The following FGF20 variants were observed in gnomAD, a reference collection of about 807,000 sequenced individuals.
FGF20 encodes the protein fibroblast growth factor 20.
Under a neutral mutation model 16.7 loss-of-function variants are expected in FGF20, and 8 were observed. That is an observed-to-expected ratio of 0.48 (90% CI 0.28 to 0.87). The LOEUF (loss-of-function observed/expected upper bound fraction) is 0.87. FGF20 is among the 40% of genes least tolerant of loss of function. The probability of loss-of-function intolerance (pLI) is 0.10; values close to 1 mark genes in which losing one functional copy is unlikely to be tolerated. For synonymous variants in FGF20, 161 were observed against 118.6 expected (o/e 1.36, Z -2.32); for missense variants, 397 against 281.4 (o/e 1.41, Z -2.94).
intron 2 of FGF20, 34 bp from the exon 3 acceptor site, chr8:16,993,351 A>G: frequency 4.5e-6 from 7 of 1,549,850 alleles, no homozygotes; most frequent in Non-Finnish European, 6.1e-6. Flanking sequence ...ATTTTTTAAA[A>G]AAATACCTTT....
chr8:16,993,801 TAAG>T (rs1273093666), intron 2 of FGF20, among the ~76,000 whole-genome samples: 3 of 152,170 alleles, frequency 2.0e-5, no homozygotes, highest in African/African-American at 7.2e-5. Flanking sequence ...TAGATTCTCA[TAAG>T]AAGCATGCAA....
intron 1 of FGF20, 145 bp downstream of exon 1, chr8:17,001,602 C>A (rs1323348098): frequency 1.1e-6 from 1 of 897,988 alleles, no homozygotes; most frequent in Non-Finnish European, 1.5e-6. Context: ...CCCCAGCCTG[C>A]GTCTTGCACC....
intron 1 of FGF20, among the ~76,000 whole-genome samples, chr8:16,997,155 T>C (rs1381062067): frequency 6.6e-6 from 1 of 152,160 alleles, no homozygotes; most frequent in African/African-American, 2.4e-5. Flanking sequence ...AACCACAGTT[T>C]AAAAAAGAAA....
chr8:16,994,529 T>C (rs1173042470), intron 2 of FGF20, among the ~76,000 whole-genome samples: 1 of 152,218 alleles, frequency 6.6e-6, no homozygotes, highest in Non-Finnish European at 1.5e-5. Context: ...TTATGATTAT[T>C]ATACATTGCA....
chr8:17,001,302 G>T (rs1367524935), intron 1 of FGF20, among the ~76,000 whole-genome samples: 1 of 152,120 alleles, frequency 6.6e-6, no homozygotes, highest in Non-Finnish European at 1.5e-5. Flanking sequence ...ATTAATTTTT[G>T]TAAAGTGGAC....
intron 2 of FGF20, 101 bp downstream of exon 2, chr8:16,995,554 T>C (rs943693362): frequency 1.4e-5 from 7 of 502,938 alleles, no homozygotes; most frequent in Non-Finnish European, 2.0e-5. Flanking sequence ...GTATGTTTTA[T>C]ATACTTCTAC....
At chr8:16,998,929 C>G (rs547640677) in intron 1 of FGF20, among the ~76,000 whole-genome samples, 1 of 151,908 alleles carries the variant, frequency 6.6e-6, no homozygotes, top group South Asian at 2.1e-4. Context: ...AAATAGCCAT[C>G]CTTAAGTTTT....
intron 1 of FGF20, among the ~76,000 whole-genome samples, chr8:16,996,923 T>G (rs1047104377): frequency 6.6e-6 from 1 of 152,232 alleles, no homozygotes; most frequent in African/African-American, 2.4e-5. Context: ...TACAGTAGTT[T>G]CAAGACTTTT....
intron 1 of FGF20, among the ~76,000 whole-genome samples, chr8:16,999,176 A>C (rs1417001259): frequency 6.6e-6 from 1 of 152,208 alleles, no homozygotes; most frequent in East Asian, 1.9e-4. Context: ...CTCCCAGACT[A>C]ATCTGGGTTA....
chr8:17,001,813 C>G lies in FGF20; in HGVS notation c.220G>C (p.Gly74Arg). 1.3e-6 allele frequency: 2 copies of G among 1,555,284 alleles called. No individual in the cohort carries two copies. Among genetic ancestry groups the G allele is most frequent in the Non-Finnish European group, 1.7e-6 (2 of 1,155,422 alleles). Residue 74 changes from glycine (G) to arginine (R), a missense_variant, in exon 1 of 3, where the codon GGC becomes CGC. By Grantham distance (125) the Gly-to-Arg change is moderately radical (BLOSUM62 -2). Transcript: ENST00000180166. Reference protein sequence around the residue: ...LRRRQLYCRTGFHLQILPDGS... With the variant: ...LRRRQLYCRTRFHLQILPDGS... ...TCGGGCAGGATCTGCAGGTGGAAGC[C>G]GGTGCGGCAATAGAGCTGCCGGCGG...
rs890122801 is a variant in FGF20 at position 17,001,988 on chromosome 8, C to A, written c.45G>T (p.Glu15Asp). Residue 15 changes from glutamate to aspartate, a missense_variant, in exon 1 of 3, where the codon GAG becomes GAT. By Grantham distance (45) the Glu-to-Asp change is conservative. Transcript: ENST00000180166. Reference protein sequence around the residue: ...AEVGGFLGGLEGLGQQVGSHF... With the variant: ...AEVGGFLGGLDGLGQQVGSHF... The stretch of plus-strand genomic sequence containing the variant: ...GCGAACCCACCTGCTGGCCCAAGCC[C>A]TCCAGGCCGCCCAGAAAGCCCCCGA... The A allele has an allele frequency of 6.6e-7, 1 of 1,525,238 alleles. No homozygotes were observed. The highest frequency in any genetic ancestry group is 1.2e-5 in the South Asian group (1 of 82,268). The allele number at this position is 1,525,238 out of a possible 1,614,324, so 94.5% of individuals were successfully genotyped here. A position where few individuals can be genotyped will look rare whatever the true frequency, so the allele number is the denominator to read the frequency against.
chr8:16,999,905 A>G (rs890923464), intron 1 of FGF20, among the ~76,000 whole-genome samples: 7 of 152,086 alleles, frequency 4.6e-5, no homozygotes, highest in Non-Finnish European at 7.4e-5. Context: ...TCTGACTATT[A>G]CCTAAGCTTA....
At chr8:16,994,837 A>T (rs1466374647) in intron 2 of FGF20, among the ~76,000 whole-genome samples, 2 of 152,228 alleles carry the variant, frequency 1.3e-5, no homozygotes, top group East Asian at 3.8e-4. Context: ...TTATCTTACC[A>T]ATTCTTATAA....
Position 16,992,975 on chromosome 8 carries a change from T to C in FGF20, c.*97A>G, listed in dbSNP as rs1033200361. On this transcript the variant is annotated 3_prime_UTR_variant, in exon 3 of 3. Coordinates refer to ENST00000180166, the MANE Select transcript of FGF20 (RefSeq NM_019851.3). ...TCTCTCAGTAGAAAATAGACTTTAA[T>C]ATTTTGAACGTCTCCTTGGGTCATT... The C allele has an allele frequency of 2.8e-6, 4 of 1,419,612 alleles. No individual in the cohort carries two copies. The African/African-American group carries it at 5.7e-5, about 20-fold the overall frequency. The allele number at this position is 1,419,612 out of a possible 1,614,324, so 87.9% of individuals were successfully genotyped here.
Position 16,992,670 on chromosome 8 carries a change from T to A in FGF20, c.*402A>T, listed in dbSNP as rs1456760397. 6.4e-6 allele frequency: 1 copy of A among 155,480 alleles called. No individual in the cohort carries two copies. Among genetic ancestry groups the A allele is most frequent in the Non-Finnish European group, 1.4e-5 (1 of 70,548 alleles). The allele number at this position is 155,480 out of a possible 1,614,324, so 9.6% of individuals were successfully genotyped here. On this transcript the variant is annotated 3_prime_UTR_variant, in exon 3 of 3. Transcript: ENST00000180166. ...TTCTACAAGGTCCTCAGAATTTATG[T>A]AGCAATGCTCTTGGCTAAGTCAATC...
chr8:17,002,308 G>T lies in FGF20; in HGVS notation c.-276C>A. ...GCCAATACTAGGACTAGGGCTGTTG[G>T]CTGGGGCTCCAATTCCGCAAACTGA... On this transcript the variant is annotated 5_prime_UTR_variant, in exon 1 of 3. Coordinates refer to ENST00000180166, the MANE Select transcript of FGF20 (RefSeq NM_019851.3). 2.7e-6 allele frequency: 1 copy of T among 374,078 alleles called. No homozygotes were observed. Among genetic ancestry groups the T allele is most frequent in the Non-Finnish European group, 4.7e-6 (1 of 213,104 alleles). 23.2% of individuals were successfully genotyped at this position (374,078 alleles called of 1,614,324 possible). A position where few individuals can be genotyped will look rare whatever the true frequency, so the allele number is the denominator to read the frequency against.
rs1306266506 is a variant in FGF20 at position 16,993,288 on chromosome 8, C to G, written c.420G>C (p.Arg140Ser). 2 of 1,610,848 alleles carry G rather than the reference C, an allele frequency of 1.2e-6. No homozygotes were observed. Residue 140 changes from arginine to serine, a missense_variant, in exon 3 of 3, where the codon AGG (arginine) becomes AGC (serine). Transcript: ENST00000180166. ...TATACCAGTTCTCTTCAAACTGCTC[C>G]CTAAAGATGCATTCGGAAGTAAGTT... ...SEKLTSECIF[R>S]EQFEENWYNT...
intron 2 of FGF20, among the ~76,000 whole-genome samples, chr8:16,994,293 A>T (rs1425795497): frequency 6.6e-6 from 1 of 152,142 alleles, no homozygotes; most frequent in African/African-American, 2.4e-5. Flanking sequence ...TCATCACTCC[A>T]AATCATATAT....
At chr8:16,993,599 T>A (rs577757420) in intron 2 of FGF20, among the ~76,000 whole-genome samples, 1 of 152,230 alleles carries the variant, frequency 6.6e-6, no homozygotes, top group East Asian at 1.9e-4. Context: ...GGACACGGGA[T>A]GGTTTCAGGG....
Sources: allele counts gnomAD v4.1 joint callset (sites outside exome capture counted in the v4.1 genomes callset), GRCh38; gene constraint gnomAD v4.1.1; transcripts MANE v1.5; gene names NCBI Gene and HGNC (gene_info 2026-07-23, HGNC 2026-07-21).